The following RUNX2 variants were observed in gnomAD, a reference collection of about 807,000 sequenced individuals.
RUNX2 encodes the protein RUNX family transcription factor 2.
A neutral mutation model predicts 51.7 loss-of-function variants in RUNX2; 10 were observed. That is an observed-to-expected ratio of 0.19 (90% CI 0.12 to 0.33). RUNX2 has a LOEUF of 0.33. RUNX2 is among the 10% of genes least tolerant of loss of function. The pLI is 1.00. For missense variants in RUNX2, 562 were observed against 691.3 expected (o/e 0.81, Z 2.10); for synonymous variants, 276 against 273.6 (o/e 1.01, Z -0.09).
intron 2 of RUNX2, among the ~76,000 whole-genome samples, chr6:45,370,282 T>C (rs1035443937): frequency 2.0e-5 from 3 of 152,058 alleles, no homozygotes; most frequent in Non-Finnish European, 4.4e-5. Context: ...TGCTGATGGA[T>C]TACACGTGGG....
chr6:45,468,397 G>A (rs1445578482), intron 5 of RUNX2, among the ~76,000 whole-genome samples: 1 of 152,150 alleles, frequency 6.6e-6, no homozygotes, highest in African/African-American at 2.4e-5. Context: ...AAAACACAAT[G>A]AACTAGCCAG....
chr6:45,362,286 T>C (rs1277764668), intron 2 of RUNX2, among the ~76,000 whole-genome samples: 1 of 152,134 alleles, frequency 6.6e-6, no homozygotes, highest in East Asian at 1.9e-4. Flanking sequence ...GTTACTTATT[T>C]AGACACCAGG....
In RUNX2 at chr6:45,343,281, G is replaced by A. The variant is rs539504370; in HGVS notation, c.58+14497G>A. On this transcript the variant is annotated intron_variant, in intron 2 of 8. Transcript: ENST00000647337. Reference sequence around the variant, plus strand: ...TCCCAGCACTTTGGGAGGCCGAGGCGGGCAGACCAAGAAGATCAAGACCAT... The same window carrying A: ...TCCCAGCACTTTGGGAGGCCGAGGCAGGCAGACCAAGAAGATCAAGACCAT... Among the ~76,000 whole-genome samples the A allele has an allele frequency of 7.2e-5, 11 of 152,108 alleles. No individual in the cohort carries two copies. In the South Asian group the frequency reaches 8.3e-4, roughly 11 times the overall value.
intron 5 of RUNX2, among the ~76,000 whole-genome samples, chr6:45,488,463 A>C (rs1800350503): frequency 6.6e-6 from 1 of 152,230 alleles, no homozygotes; most frequent in Non-Finnish European, 1.5e-5. Context: ...GTCAGGGCTC[A>C]ACCAGAAAAG....
chr6:45,543,422 GGTCCCCAAACCACC>G (rs1456799016), intron 7 of RUNX2, among the ~76,000 whole-genome samples: 3 of 152,118 alleles, frequency 2.0e-5, no homozygotes, highest in Non-Finnish European at 4.4e-5. Flanking sequence ...ATTTTAAAAA[GGTCCCCAAACCACC>G]TTTGGCTTTA....
At chr6:45,476,967 A>G (rs1437413634) in intron 5 of RUNX2, among the ~76,000 whole-genome samples, 1 of 152,164 alleles carries the variant, frequency 6.6e-6, no homozygotes, top group Non-Finnish European at 1.5e-5. Context: ...AGCCATTGGG[A>G]TTGATGAGGC....
chr6:45,428,451 T>G (rs766034032), intron 3 of RUNX2, among the ~76,000 whole-genome samples: 16 of 152,082 alleles, frequency 1.1e-4, no homozygotes, highest in Non-Finnish European at 2.1e-4. Context: ...TTTGGTAGAG[T>G]GAATAGCAGA....
chr6:45,406,403 A>G (rs1483720017), intron 2 of RUNX2, among the ~76,000 whole-genome samples: 3 of 152,092 alleles, frequency 2.0e-5, no homozygotes, highest in Non-Finnish European at 4.4e-5. Flanking sequence ...TCTTAGCATT[A>G]TATTTAATAT....
At chr6:45,395,626 T>A (rs1379537072) in intron 2 of RUNX2, among the ~76,000 whole-genome samples, 1 of 152,200 alleles carries the variant, frequency 6.6e-6, no homozygotes, top group East Asian at 1.9e-4. Flanking sequence ...CATTATAAAC[T>A]ATAAAAGTAA....
At chr6:45,329,740 T>A (rs1345954473) in intron 2 of RUNX2, among the ~76,000 whole-genome samples, 1 of 151,966 alleles carries the variant, frequency 6.6e-6, no homozygotes, top group Non-Finnish European at 1.5e-5. Flanking sequence ...TCCCTTAATA[T>A]TTAATTTCAA....
chr6:45,390,019 AG>A (rs1797436072), intron 2 of RUNX2, among the ~76,000 whole-genome samples: 1 of 147,330 alleles, frequency 6.8e-6, no homozygotes, highest in Non-Finnish European at 1.5e-5. Context: ...AAAAAAAAAA[AG>A]TTATTTCACA....
At chr6:45,338,820 G>C (rs1684773152) in intron 2 of RUNX2, among the ~76,000 whole-genome samples, 1 of 151,994 alleles carries the variant, frequency 6.6e-6, no homozygotes, top group Admixed American at 6.6e-5. Flanking sequence ...GAGGCATCCA[G>C]GGCACAAAAT....
intron 5 of RUNX2, among the ~76,000 whole-genome samples, chr6:45,464,395 C>A (rs531077967): frequency 3.3e-5 from 5 of 152,192 alleles, no homozygotes; most frequent in Admixed American, 2.6e-4. Context: ...GACATTTATA[C>A]CCTAAATATA....
At chr6:45,467,903 G>T (rs972241462) in intron 5 of RUNX2, among the ~76,000 whole-genome samples, 7 of 152,166 alleles carry the variant, frequency 4.6e-5, no homozygotes, top group Non-Finnish European at 1.0e-4. Flanking sequence ...GAATTGTAGT[G>T]ATTACCAATT....
At chr6:45,507,203 A>G (rs913756322) in intron 6 of RUNX2, among the ~76,000 whole-genome samples, 1 of 152,116 alleles carries the variant, frequency 6.6e-6, no homozygotes, top group Non-Finnish European at 1.5e-5. Flanking sequence ...CATCCAATAT[A>G]ACTCTGGGTG....
intron 4 of RUNX2, among the ~76,000 whole-genome samples, chr6:45,436,492 A>G (rs1173996646): frequency 6.6e-6 from 1 of 152,094 alleles, no homozygotes; most frequent in South Asian, 2.1e-4. Context: ...GGCACTTAAT[A>G]CGTTTCTAAT....
At chr6:45,439,617 C>A (rs1322003515) in intron 5 of RUNX2, among the ~76,000 whole-genome samples, 1 of 152,092 alleles carries the variant, frequency 6.6e-6, no homozygotes, top group Non-Finnish European at 1.5e-5. Flanking sequence ...TCCTGCTGAT[C>A]TCAGCTGCTT....
intron 2 of RUNX2, among the ~76,000 whole-genome samples, chr6:45,348,940 ATTAT>A (rs1281026651): frequency 3.3e-5 from 5 of 152,264 alleles, no homozygotes; most frequent in Admixed American, 1.3e-4. Context: ...ACAATTTATA[ATTAT>A]TTATTTCCAC....
intron 5 of RUNX2, among the ~76,000 whole-genome samples, chr6:45,448,651 T>C (rs1308062716): frequency 6.6e-5 from 10 of 152,268 alleles, no homozygotes. Context: ...TGCCTTGCCG[T>C]GAACTCTCAG....
Sources: gnomAD v4.1 joint callset for allele counts (sites outside exome capture counted in the v4.1 genomes callset) on GRCh38, gnomAD v4.1.1 for gene constraint, MANE v1.5 for transcripts, NCBI Gene and HGNC (gene_info 2026-07-23, HGNC 2026-07-21) for gene names.